The following LRP6 variants were observed in gnomAD, a reference collection of about 807,000 sequenced individuals.
LRP6 encodes the protein low-density lipoprotein receptor-related protein 6.
In LRP6, 43 loss-of-function variants were observed where a neutral mutation model predicts 184.1. The ratio of observed to expected loss-of-function variants is 0.23; its 90% CI spans 0.18 to 0.30. The LOEUF is 0.30. Ranked by LOEUF, LRP6 falls within the 10% of genes least tolerant of loss-of-function variation. The probability of loss-of-function intolerance (pLI) is 1.00; values close to 1 mark genes in which losing one functional copy is unlikely to be tolerated. For synonymous variants in LRP6, 719 were observed against 684.9 expected (o/e 1.05, Z -0.78); for missense variants, 1,571 against 2,005.3 (o/e 0.78, Z 4.14).
At chr12:12,168,068 T>G (rs748207881) in intron 7 of LRP6, among the ~76,000 whole-genome samples, 2 of 152,134 alleles carry the variant, frequency 1.3e-5, no homozygotes, top group Non-Finnish European at 2.9e-5. Flanking sequence ...AACAAATATT[T>G]GACAATTTCA....
chr12:12,116,972 T>A lies in LRP6; in HGVS notation c.*4154A>T, dbSNP rs1949527429. The A allele has an allele frequency of 6.6e-6, 1 of 152,020 alleles. No homozygotes were observed. 9.4% of individuals were successfully genotyped at this position (152,020 alleles called of 1,614,324 possible). A position where few individuals can be genotyped will look rare whatever the true frequency, so the allele number is the denominator to read the frequency against. On this transcript the variant is annotated 3_prime_UTR_variant, in exon 23 of 23. Transcript: ENST00000261349. Reference sequence around the variant, plus strand: ...ACTTATAATTTAAATTTTAAAAAAATTATAAACGTATAATTTTATACTTGA... The same window carrying A: ...ACTTATAATTTAAATTTTAAAAAAAATATAAACGTATAATTTTATACTTGA...
chr12:12,249,251 T>A, intron 1 of LRP6: 1 of 934,676 alleles, frequency 1.1e-6, no homozygotes, highest in Admixed American at 1.8e-5. Context: ...TAACAAAAAA[T>A]TAATATGAAT....
At chr12:12,223,010 G>A (rs942443501) in intron 2 of LRP6, among the ~76,000 whole-genome samples, 1 of 151,958 alleles carries the variant, frequency 6.6e-6, no homozygotes, top group African/African-American at 2.4e-5. Flanking sequence ...CAAAATTATA[G>A]ATGACACAGT....
At chr12:12,259,755 T>C (rs1865566314) in intron 1 of LRP6, among the ~76,000 whole-genome samples, 1 of 152,212 alleles carries the variant, frequency 6.6e-6, no homozygotes, top group African/African-American at 2.4e-5. Flanking sequence ...TTGCCTAGTC[T>C]GTATATTTGA....
intron 3 of LRP6, among the ~76,000 whole-genome samples, chr12:12,192,768 A>G (rs1306472208): frequency 6.6e-6 from 1 of 152,016 alleles, no homozygotes; most frequent in East Asian, 1.9e-4. Flanking sequence ...TCAAAGGAAA[A>G]ATGGGCAGTT....
chr12:12,145,734 C>T (rs531900060), intron 15 of LRP6, among the ~76,000 whole-genome samples: 1 of 149,474 alleles, frequency 6.7e-6, no homozygotes, highest in South Asian at 2.1e-4. Context: ...CATGTTCAAG[C>T]GATTCTCCTG....
intron 2 of LRP6, among the ~76,000 whole-genome samples, chr12:12,212,088 T>G (rs1864224925): frequency 6.6e-6 from 1 of 152,218 alleles, no homozygotes; most frequent in African/African-American, 2.4e-5. Context: ...TCTGTACATT[T>G]CAAATACAGT....
At chr12:12,188,073 G>A (rs868428974) in intron 3 of LRP6, among the ~76,000 whole-genome samples, 5 of 151,866 alleles carry the variant, frequency 3.3e-5, no homozygotes, top group African/African-American at 4.8e-5. Context: ...TTAGCCAGGC[G>A]TGGTGGTGGG....
At chr12:12,137,765 T>C (rs1360987580) in intron 16 of LRP6, among the ~76,000 whole-genome samples, 1 of 152,034 alleles carries the variant, frequency 6.6e-6, no homozygotes, top group Non-Finnish European at 1.5e-5. Flanking sequence ...TACCAGGAAA[T>C]ATTCTTTTTT....
At chr12:12,183,940 A>G (rs1863404339) in intron 5 of LRP6, 40 bp downstream of exon 5, 2 of 1,578,010 alleles carry the variant, frequency 1.3e-6, no homozygotes, top group Admixed American at 3.3e-5. Flanking sequence ...AAGAATTCCA[A>G]TAGTTATAAA....
At chr12:12,223,193 A>AC (rs1864535420) in intron 2 of LRP6, among the ~76,000 whole-genome samples, 3 of 151,692 alleles carry the variant, frequency 2.0e-5, no homozygotes, top group Non-Finnish European at 4.4e-5. Context: ...AAAAAAAAAA[A>AC]AACCAGGACC....
rs550587604 is a variant in LRP6, at chr12:12,119,990, A to AATATATAT, written c.*1128_*1135dup. 2.3e-3 allele frequency: 105 copies of AATATATAT among 45,474 alleles called. 1 individual carries two copies. Among genetic ancestry groups the AATATATAT allele is most frequent in the Admixed American group, 3.7e-3 (12 of 3,270 alleles). 2.8% of individuals were successfully genotyped at this position (45,474 alleles called of 1,614,324 possible). ...ACTCAGAAAACAAACAAACAAACAA[A>AATATATAT]ATATATATATATATATATATATATA... On this transcript the variant is annotated 3_prime_UTR_variant, in exon 23 of 23. Transcript: ENST00000261349.
At chr12:12,247,668 G>C (rs1489937484) in intron 1 of LRP6, among the ~76,000 whole-genome samples, 1 of 152,144 alleles carries the variant, frequency 6.6e-6, no homozygotes, top group Admixed American at 6.5e-5. Context: ...ATTGTCACCA[G>C]TATCTGTTCA....
intron 2 of LRP6, among the ~76,000 whole-genome samples, chr12:12,241,628 T>C (rs1285281183): frequency 6.6e-6 from 1 of 151,458 alleles, no homozygotes; most frequent in Non-Finnish European, 1.5e-5. Context: ...GGGAGGGGGG[T>C]TGAATTTACC....
At position 12,181,272 on chromosome 12, in the gene LRP6, T is replaced by C. The variant is rs1010568682; in HGVS notation, c.1144A>G (p.Arg382Gly). ...GYIYWTDDEV[R>G]AIRRSFIDGS... ...TCTATAAATGAACGGCGTATGGCCC[T>C]CACTTCATCATCAGTCCAGTAGATG... Residue 382 changes from arginine (R) to glycine (G), a missense_variant, in exon 6 of 23, where the codon AGG becomes GGG. Arg to Gly is a moderately radical substitution (Grantham distance 125, BLOSUM62 -2). This residue lies in a region of LRP6 where 640 missense variants were observed against 851.9 expected (regional missense o/e 0.75). Transcript: ENST00000261349. The C allele has an allele frequency of 1.2e-6, 2 of 1,614,064 alleles. No individual in the cohort carries two copies. Among genetic ancestry groups the C allele is most frequent in the African/African-American group, 2.7e-5 (2 of 74,924 alleles).
At chr12:12,220,198 G>C (rs1016463281) in intron 2 of LRP6, among the ~76,000 whole-genome samples, 1 of 151,950 alleles carries the variant, frequency 6.6e-6, no homozygotes, top group Non-Finnish European at 1.5e-5. Flanking sequence ...TGAGGCAGGA[G>C]GATCACTTGA....
At chr12:12,253,980 C>A (rs1387742447) in intron 1 of LRP6, among the ~76,000 whole-genome samples, 1 of 151,440 alleles carries the variant, frequency 6.6e-6, no homozygotes, top group East Asian at 1.9e-4. Flanking sequence ...CCCTTCTCTA[C>A]CAAAAAATAC....
At chr12:12,208,587 C>G (rs1864125936) in intron 2 of LRP6, among the ~76,000 whole-genome samples, 2 of 152,092 alleles carry the variant, frequency 1.3e-5, no homozygotes, top group South Asian at 4.1e-4. Flanking sequence ...CTATAAAGAA[C>G]TCAAAGGTAA....
Position 12,121,116 on chromosome 12 carries a change from G to A in LRP6, c.*10C>T, listed in dbSNP as rs1488771917. The A allele has an allele frequency of 1.3e-6, 2 of 1,583,968 alleles. No homozygotes were observed. Among genetic ancestry groups the A allele is most frequent in the Non-Finnish European group, 1.7e-6 (2 of 1,162,334 alleles). ...TACGTTGGAGGCAGTCAGAGGAGGA[G>A]GGCCCCTCCTCAGGAGGAGTCTGTA... On this transcript the variant is annotated 3_prime_UTR_variant, in exon 23 of 23. Transcript: ENST00000261349.
Sources: allele counts gnomAD v4.1 joint callset (sites outside exome capture counted in the v4.1 genomes callset), GRCh38; gene constraint gnomAD v4.1.1; regional missense constraint gnomAD v4.1.1; transcripts MANE v1.5; gene names NCBI Gene and HGNC (gene_info 2026-07-23, HGNC 2026-07-21).